PIEZO2: variants seen among roughly 807,000 people sequenced by gnomAD.
The protein encoded by PIEZO2 is piezo-type mechanosensitive ion channel component 2.
PIEZO2 carries 172 observed loss-of-function variants against 337.3 expected under a neutral mutation model. The observed-to-expected ratio is 0.51, with a 90% CI of 0.45 to 0.58. The LOEUF (loss-of-function observed/expected upper bound fraction) is 0.58, where lower values mean the gene tolerates loss of function less well. PIEZO2 is among the 20% of genes least tolerant of loss of function. The pLI is 0.00. For synonymous variants in PIEZO2, 1,251 were observed against 1,228.5 expected (o/e 1.02, Z -0.38); for missense variants, 3,028 against 3,391.3 (o/e 0.89, Z 2.66).
intron 23 of PIEZO2, 149 bp from the exon 24 acceptor site, chr18:10,761,260 C>G: frequency 7.2e-6 from 5 of 690,242 alleles, no homozygotes; most frequent in Non-Finnish European, 1.2e-5. Flanking sequence ...TTCGTTTTCT[C>G]TGTCTTATTT....
In PIEZO2 at chr18:10,760,931, A is replaced by G; in HGVS notation, c.3430T>C (p.Phe1144Leu). Residue 1144 changes from phenylalanine (F) to leucine (L), a missense_variant, in exon 24 of 56, where the codon TTT becomes CTT. Phe to Leu is a conservative substitution (Grantham distance 22). Transcript: ENST00000674853. ...CTCACCTCCAGACCAAACTTGTAAA[A>G]GAAGTAATTAATGAAATATTTGGCA... ...NCAKYFINYFFYKFGLETCFL... is the reference protein window; with the variant it reads ...NCAKYFINYFLYKFGLETCFL... The G allele has an allele frequency of 6.5e-7, 1 of 1,532,234 alleles. No homozygotes were observed. Among genetic ancestry groups the G allele is most frequent in the Non-Finnish European group, 8.7e-7 (1 of 1,142,942 alleles). 94.9% of individuals were successfully genotyped at this position (1,532,234 alleles called of 1,614,324 possible).
chr18:10,880,800 A>G (rs2042389716), intron 4 of PIEZO2, among the ~76,000 whole-genome samples: 1 of 139,732 alleles, frequency 7.2e-6, no homozygotes, highest in South Asian at 2.4e-4. Context: ...AAAACTCAAT[A>G]AAATGGTAAG....
At chr18:10,852,464 CCTCT>C (rs145747347) in intron 7 of PIEZO2, among the ~76,000 whole-genome samples, 2 of 151,200 alleles carry the variant, frequency 1.3e-5, no homozygotes, top group Non-Finnish European at 3.0e-5. Flanking sequence ...TAGCATGTGC[CCTCT>C]CTCTCTCTCT....
chr18:10,873,921 T>A (rs2042201543), intron 4 of PIEZO2, among the ~76,000 whole-genome samples: 1 of 152,266 alleles, frequency 6.6e-6, no homozygotes, highest in African/African-American at 2.4e-5. Context: ...AAGATTTTTT[T>A]GGGTAAGACC....
chr18:10,868,663 C>T (rs1002548200), intron 5 of PIEZO2, among the ~76,000 whole-genome samples: 1 of 152,126 alleles, frequency 6.6e-6, no homozygotes, highest in Non-Finnish European at 1.5e-5. Context: ...ATTAATAATA[C>T]ATAAGGCTTA....
intron 1 of PIEZO2, among the ~76,000 whole-genome samples, chr18:11,122,876 A>C (rs903395635): frequency 6.6e-6 from 1 of 151,652 alleles, no homozygotes; most frequent in African/African-American, 2.4e-5. Context: ...CCTGAGAATT[A>C]AGGTTATATG....
intron 2 of PIEZO2, among the ~76,000 whole-genome samples, chr18:11,039,737 A>G (rs892739360): frequency 1.6e-5 from 2 of 126,382 alleles, no homozygotes; most frequent in East Asian, 4.3e-4. Context: ...AGTTGAATCT[A>G]TTTTAAATAG....
intron 49 of PIEZO2, among the ~76,000 whole-genome samples, chr18:10,684,023 T>G (rs2034395009): frequency 6.6e-6 from 1 of 151,648 alleles, no homozygotes; most frequent in Admixed American, 6.6e-5. Context: ...CTCTCGAAAT[T>G]TTCTCCCTTC....
rs147282948 is a variant in PIEZO2 at position 11,104,613 on chromosome 18, C to T, written c.65-38391G>A. On this transcript the variant is annotated intron_variant, in intron 1 of 55. Transcript: ENST00000674853. This position sits in a 1 kb window ranked among gnomAD's most constrained non-coding sequence, Gnocchi z 4.6. ...ATGGTCAGCCACATTCTCTTCTCCC[C>T]GTGTCACAAGGTGGGCAGTGCCCAG... 7.9e-5 allele frequency among the ~76,000 whole-genome samples: 12 copies of T among 152,350 alleles called. No individual in the cohort carries two copies. Among genetic ancestry groups the T allele is most frequent in the South Asian group, 4.1e-4 (2 of 4,828 alleles).
Position 10,677,054 on chromosome 18 carries a change from TG to T in PIEZO2, c.8081+692del, listed in dbSNP as rs1184587477. Among the ~76,000 whole-genome samples the T allele has an allele frequency of 6.6e-6, 1 of 152,074 alleles. No individual in the cohort carries two copies. Among genetic ancestry groups the T allele is most frequent in the Non-Finnish European group, 1.5e-5 (1 of 68,002 alleles). ...TGATGATTTCTAGTGTGCCCCAAAATGGGTCCCAATAGCTGAGGGAGACAGC... is the reference window on the plus strand; with the variant it reads ...TGATGATTTCTAGTGTGCCCCAAAATGGTCCCAATAGCTGAGGGAGACAGC... On this transcript the variant is annotated intron_variant, in intron 53 of 55. Coordinates refer to ENST00000674853, the MANE Select transcript of PIEZO2 (RefSeq NM_001378183.1). This position sits in a 1 kb window ranked among gnomAD's most constrained non-coding sequence, Gnocchi z 4.1.
chr18:10,705,739 T>C lies in PIEZO2; in HGVS notation c.5596A>G (p.Thr1866Ala). Residue 1866 changes from threonine to alanine, a missense_variant, in exon 41 of 56, where the codon ACG becomes GCG. Thr to Ala is a moderately conservative substitution (Grantham distance 58). Coordinates refer to ENST00000674853, the MANE Select transcript of PIEZO2 (RefSeq NM_001378183.1). The part of the protein sequence containing the change: ...DSGSLASSEP[T>A]QCTMLYSRQG... ...CGTGAGTACAGCATGGTACACTGCG[T>C]GGGCTCGCTGTTGGGAGAAAGCGTG... The C allele has an allele frequency of 6.6e-7, 1 of 1,524,006 alleles. No homozygotes were observed. Among genetic ancestry groups the C allele is most frequent in the Non-Finnish European group, 8.8e-7 (1 of 1,138,842 alleles). 94.4% of individuals were successfully genotyped at this position (1,524,006 alleles called of 1,614,324 possible).
intron 1 of PIEZO2, among the ~76,000 whole-genome samples, chr18:11,138,374 C>T (rs1364777843): frequency 6.6e-6 from 1 of 152,244 alleles, no homozygotes; most frequent in African/African-American, 2.4e-5. Flanking sequence ...CAGCTCACTG[C>T]AACCTCTGCC....
rs1016189719 is a variant in PIEZO2, at chr18:11,090,838, G to GA, written c.65-24617_65-24616insT. On this transcript the variant is annotated intron_variant, in intron 1 of 55. Coordinates refer to ENST00000674853, the MANE Select transcript of PIEZO2 (RefSeq NM_001378183.1). ...TGAGGCAGGAGAATGGTGTGAACCC[G>GA]GGGGGGCAAAGCTTGCAGTGAGCCG... 5.6e-5 allele frequency among the ~76,000 whole-genome samples: 4 copies of GA among 71,842 alleles called. No homozygotes were observed. In the South Asian group the frequency reaches 3.0e-3, roughly 55 times the overall value. 47.1% of individuals were successfully genotyped at this position (71,842 alleles called of 152,430 possible).
At chr18:10,944,539 TATATATCTTAGTAACAG>T (rs2032916798) in intron 3 of PIEZO2, among the ~76,000 whole-genome samples, 2 of 140,968 alleles carry the variant, frequency 1.4e-5, no homozygotes, top group East Asian at 2.0e-4. Flanking sequence ...TATATATATA[TATATATCTTAGTAACAG>T]ATATATATAT....
Position 10,727,419 on chromosome 18 carries a change from G to T in PIEZO2, c.5029+3988C>A, listed in dbSNP as rs2036585956. 6.5e-6 allele frequency: 1 copy of T among 153,242 alleles called. No individual in the cohort carries two copies. Among genetic ancestry groups the T allele is most frequent in the Non-Finnish European group, 1.5e-5 (1 of 68,616 alleles). The allele number at this position is 153,242 out of a possible 1,614,324, so 9.5% of individuals were successfully genotyped here. A position where few individuals can be genotyped will look rare whatever the true frequency, so the allele number is the denominator to read the frequency against. On this transcript the variant is annotated intron_variant, in intron 36 of 55. Coordinates refer to ENST00000674853, the MANE Select transcript of PIEZO2 (RefSeq NM_001378183.1). The surrounding 1 kb of genome is among the most constrained non-coding windows in gnomAD (Gnocchi z 6.3). ...CTTCTCCTGGGGTGATTGATGGCCTGAGCTTGGGGTACTACCTGGGGTAGT... is the reference window on the plus strand; with the variant it reads ...CTTCTCCTGGGGTGATTGATGGCCTTAGCTTGGGGTACTACCTGGGGTAGT...
intron 7 of PIEZO2, among the ~76,000 whole-genome samples, chr18:10,823,304 T>C (rs904828808): frequency 3.9e-5 from 6 of 152,244 alleles, no homozygotes; most frequent in African/African-American, 1.2e-4. Context: ...TCTTACTTTC[T>C]TATTTTGTAT....
At chr18:11,107,301 C>T (rs1252252055) in intron 1 of PIEZO2, among the ~76,000 whole-genome samples, 1 of 152,152 alleles carries the variant, frequency 6.6e-6, no homozygotes, top group African/African-American at 2.4e-5. Context: ...TCATGATAAG[C>T]TTCCTTTGTT....
Position 11,086,497 on chromosome 18 carries a change from C to G in PIEZO2, c.65-20275G>C, listed in dbSNP as rs568401407. ...TCCCGCCACTGCACTCCAGCCTGGG[C>G]AACAGAGCGAGACTCCGTCTCAAAA... On this transcript the variant is annotated intron_variant, in intron 1 of 55. Transcript: ENST00000674853. 5.1e-3 allele frequency among the ~76,000 whole-genome samples: 737 copies of G among 144,768 alleles called. 4 individuals carry two copies. Among genetic ancestry groups the G allele is most frequent in the African/African-American group, 0.018 (679 of 37,690 alleles). The allele number at this position is 144,768 out of a possible 152,430, so 95.0% of individuals were successfully genotyped here. A position where few individuals can be genotyped will look rare whatever the true frequency, so the allele number is the denominator to read the frequency against.
intron 7 of PIEZO2, among the ~76,000 whole-genome samples, chr18:10,843,962 G>C (rs1341018055): frequency 1.3e-5 from 2 of 152,250 alleles, no homozygotes; most frequent in African/African-American, 4.8e-5. Context: ...TTCTGGAACA[G>C]GATGGTAGGA....
Sources: gnomAD v4.1 joint callset for allele counts (sites outside exome capture counted in the v4.1 genomes callset) on GRCh38, gnomAD v4.1.1 for gene constraint, Gnocchi (gnomAD v3.1) non-coding constraint, MANE v1.5 for transcripts, NCBI Gene and HGNC (gene_info 2026-07-23, HGNC 2026-07-21) for gene names.